The following POU2F2 variants were observed in gnomAD, a reference collection of about 807,000 sequenced individuals.
POU2F2 encodes POU domain, class 2, transcription factor 2.
Under a neutral mutation model 63.5 loss-of-function variants are expected in POU2F2, and 14 were observed. That is an observed-to-expected ratio of 0.22 (90% CI 0.15 to 0.34). The LOEUF is 0.34. POU2F2 is among the 10% of genes least tolerant of loss of function. The pLI is 1.00. For missense variants in POU2F2, 607 were observed against 815.2 expected (o/e 0.74, Z 3.11); for synonymous variants, 306 against 348.6 (o/e 0.88, Z 1.36).
intron 5 of POU2F2, among the ~76,000 whole-genome samples, chr19:42,111,957 C>T (rs574379816): frequency 1.3e-5 from 2 of 152,236 alleles, no homozygotes; most frequent in African/African-American, 2.4e-5. Flanking sequence ...GACATGGAAC[C>T]CAGGAAGTTG....
chr19:42,162,146 C>A lies in POU2F2; in HGVS notation c.-69-1754G>T, dbSNP rs2034564666. On this transcript the variant is annotated intron_variant, in intron 1 of 6. Coordinates refer to the POU2F2 transcript ENST00000524801. This position sits in a 1 kb window ranked among gnomAD's most constrained non-coding sequence, Gnocchi z 4.1. ...GGCTGGGGTCTTCCCCCAGGCAGTGCCCCCACCTTGGGCTTCCCTCCAGCA... is the reference window on the plus strand; with the variant it reads ...GGCTGGGGTCTTCCCCCAGGCAGTGACCCCACCTTGGGCTTCCCTCCAGCA... Among the ~76,000 whole-genome samples the A allele has an allele frequency of 6.6e-6, 1 of 152,138 alleles. No homozygotes were observed.
At position 42,095,514 on chromosome 19, in the gene POU2F2, G is replaced by A; in HGVS notation, c.1020+31C>T. 6.2e-7 allele frequency: 1 copy of A among 1,604,440 alleles called. No homozygotes were observed. Among genetic ancestry groups the A allele is most frequent in the Non-Finnish European group, 8.5e-7 (1 of 1,175,350 alleles). On this transcript the variant is annotated intron_variant, in intron 10 of 14. Coordinates refer to ENST00000692977, the MANE Select transcript of POU2F2 (RefSeq NM_001394376.1). This position sits in a 1 kb window ranked among gnomAD's most constrained non-coding sequence, Gnocchi z 7.1. Reference sequence around the variant, plus strand: ...AGGCCCACCGCCCGCCACCCCTCAGGTGAGGGCCACCCAGGAGAGGGGGGC... The same window carrying A: ...AGGCCCACCGCCCGCCACCCCTCAGATGAGGGCCACCCAGGAGAGGGGGGC...
chr19:42,144,774 C>A (rs962614139), intron 2 of POU2F2, among the ~76,000 whole-genome samples: 7 of 152,242 alleles, frequency 4.6e-5, no homozygotes, highest in African/African-American at 1.7e-4. Context: ...AGGAGCACCC[C>A]AAGGCGGGTC....
chr19:42,096,518 A>G lies in POU2F2; in HGVS notation c.568-275T>C, dbSNP rs1236134714. Among the ~76,000 whole-genome samples, 1 of 152,198 alleles carries G rather than the reference A, an allele frequency of 6.6e-6. No individual in the cohort carries two copies. Among genetic ancestry groups the G allele is most frequent in the Non-Finnish European group, 1.5e-5 (1 of 68,032 alleles). ...TCCCTTCACGCCTGCGAACTCCCAGAAGGAGCAGCCAGCTTTTTGTGCCAG... is the reference window on the plus strand; with the variant it reads ...TCCCTTCACGCCTGCGAACTCCCAGGAGGAGCAGCCAGCTTTTTGTGCCAG... On this transcript the variant is annotated intron_variant, in intron 7 of 14. Coordinates refer to ENST00000692977, the MANE Select transcript of POU2F2 (RefSeq NM_001394376.1). The surrounding 1 kb of genome is among the most constrained non-coding windows in gnomAD (Gnocchi z 4.1).
intron 1 of POU2F2, among the ~76,000 whole-genome samples, chr19:42,170,344 T>G (rs2034736674): frequency 1.4e-5 from 2 of 145,352 alleles, no homozygotes; most frequent in Non-Finnish European, 3.0e-5. Context: ...AAAGACGGCC[T>G]CATGGGCCAC....
At chr19:42,168,546 T>C (rs1457640274) in intron 1 of POU2F2, among the ~76,000 whole-genome samples, 1 of 152,168 alleles carries the variant, frequency 6.6e-6, no homozygotes, top group Non-Finnish European at 1.5e-5. Context: ...ACCCTCTCCA[T>C]GTCTCCTCCT....
At chr19:42,166,239 G>A (rs916909839) in intron 1 of POU2F2, among the ~76,000 whole-genome samples, 5 of 152,186 alleles carry the variant, frequency 3.3e-5, no homozygotes, top group African/African-American at 1.2e-4. Flanking sequence ...TAAGCTCTGT[G>A]CAGATGGACT....
In POU2F2 at chr19:42,122,493, T is replaced by C; in HGVS notation, c.94+18A>G. On this transcript the variant is annotated intron_variant, in intron 2 of 14. Transcript: ENST00000692977. ...CTGCCCACGGTGACCCCTGCCCCCCTGCTCCCTGCCCACCCACCTGTGTGC... is the reference window on the plus strand; with the variant it reads ...CTGCCCACGGTGACCCCTGCCCCCCCGCTCCCTGCCCACCCACCTGTGTGC... 1.3e-6 allele frequency: 2 copies of C among 1,585,418 alleles called. No homozygotes were observed. The highest frequency in any genetic ancestry group is 1.7e-6 in the Non-Finnish European group (2 of 1,162,708).
At chr19:42,105,825 A>G (rs1157898227) in intron 5 of POU2F2, among the ~76,000 whole-genome samples, 1 of 151,900 alleles carries the variant, frequency 6.6e-6, no homozygotes, top group Non-Finnish European at 1.5e-5. Flanking sequence ...CCAAACCACC[A>G]TCCTTCTACC....
chr19:42,167,959 T>G (rs776831230), intron 1 of POU2F2, among the ~76,000 whole-genome samples: 113 of 152,338 alleles, frequency 7.4e-4, no homozygotes, highest in Middle Eastern at 3.4e-3. Flanking sequence ...TCTGGGTGAC[T>G]GGGCATGCAG....
intron 1 of POU2F2, among the ~76,000 whole-genome samples, chr19:42,181,379 A>C (rs2034958574): frequency 6.6e-6 from 1 of 152,212 alleles, no homozygotes. Flanking sequence ...TGTCTGAGTG[A>C]GGGCCATCTC....
intron 7 of POU2F2, among the ~76,000 whole-genome samples, chr19:42,099,145 A>T (rs1458164934): frequency 6.6e-6 from 1 of 152,246 alleles, no homozygotes. Context: ...TGTTCAGAGA[A>T]TCCTCCGTTG....
intron 2 of POU2F2, among the ~76,000 whole-genome samples, chr19:42,141,660 A>C (rs562234291): frequency 6.6e-6 from 1 of 151,798 alleles, no homozygotes; most frequent in South Asian, 2.1e-4. Flanking sequence ...TTTGTATTTT[A>C]GTAGAGACGG....
At chr19:42,134,891 T>C (rs956674018), upstream of POU2F2, among the ~76,000 whole-genome samples, 1 of 151,918 alleles carries the variant, frequency 6.6e-6, no homozygotes, top group Non-Finnish European at 1.5e-5. Flanking sequence ...GGCGAGTCGA[T>C]CAAATACATT....
chr19:42,172,983 T>C (rs531289799), intron 1 of POU2F2, among the ~76,000 whole-genome samples: 2 of 152,276 alleles, frequency 1.3e-5, no homozygotes, highest in East Asian at 3.9e-4. Flanking sequence ...AGCGCCAGCA[T>C]GGTTGCTGAC....
At chr19:42,176,919 T>C (rs2034894902), upstream of POU2F2, among the ~76,000 whole-genome samples, 2 of 151,512 alleles carry the variant, frequency 1.3e-5, no homozygotes, top group Non-Finnish European at 2.9e-5. Context: ...TGCATTAAGC[T>C]TCTTGCAATC....
At chr19:42,124,254 T>C (rs964853455) in intron 1 of POU2F2, among the ~76,000 whole-genome samples, 1 of 142,460 alleles carries the variant, frequency 7.0e-6, no homozygotes, top group African/African-American at 2.7e-5. Flanking sequence ...CAGTGAGCTG[T>C]GACTGCACCA....
At chr19:42,129,892 T>G (rs973411473) in intron 1 of POU2F2, among the ~76,000 whole-genome samples, 4 of 152,050 alleles carry the variant, frequency 2.6e-5, no homozygotes, top group African/African-American at 9.7e-5. Context: ...CTGCCAACAG[T>G]ACACACCCCA....
intron 1 of POU2F2, among the ~76,000 whole-genome samples, chr19:42,127,312 C>T (rs1284843004): frequency 1.3e-5 from 2 of 152,008 alleles, no homozygotes; most frequent in African/African-American, 2.4e-5. Flanking sequence ...CTGTCTGGAA[C>T]ACTGTTCCCC....
Sources: allele counts gnomAD v4.1 joint callset (sites outside exome capture counted in the v4.1 genomes callset), GRCh38; gene constraint gnomAD v4.1.1; non-coding constraint Gnocchi (gnomAD v3.1); transcripts MANE v1.5; gene names NCBI Gene and HGNC (gene_info 2026-07-23, HGNC 2026-07-21).